SLC5A4: variants seen among roughly 807,000 people sequenced by gnomAD.
SLC5A4 encodes the protein solute carrier family 5 member 4.
Under a neutral mutation model 70.3 loss-of-function variants are expected in SLC5A4, and 55 were observed. That is an observed-to-expected ratio of 0.78 (90% confidence interval 0.63 to 0.98). The LOEUF (loss-of-function observed/expected upper bound fraction) is 0.98. SLC5A4 is among the 50% of genes least tolerant of loss of function. The probability of loss-of-function intolerance (pLI) is 0.00; values close to 1 mark genes in which losing one functional copy is unlikely to be tolerated. For synonymous variants in SLC5A4, 268 were observed against 305.7 expected (o/e 0.88, Z 1.29); for missense variants, 735 against 839.2 (o/e 0.88, Z 1.53).
chr22:32,336,183 G>A, the SLC5A4 span, among the ~76,000 whole-genome samples: 6 of 152,092 alleles, frequency 3.9e-5, no homozygotes, highest in Admixed American at 1.3e-4. Context: ...TACTGCCACC[G>A]GCCCAACCAC....
chr22:32,323,019 C>T, the SLC5A4 span, among the ~76,000 whole-genome samples: 2 of 152,182 alleles, frequency 1.3e-5, no homozygotes, highest in African/African-American at 2.4e-5. Context: ...ACATTTACCT[C>T]CTCTCCACCA....
At chr22:32,268,752 G>A in the SLC5A4 span, among the ~76,000 whole-genome samples, 2 of 152,322 alleles carry the variant, frequency 1.3e-5, no homozygotes, top group Non-Finnish European at 2.9e-5. Flanking sequence ...TGAAGGTAAT[G>A]TAATAGTTAG....
the SLC5A4 span, among the ~76,000 whole-genome samples, chr22:32,332,254 C>G: frequency 2.6e-5 from 4 of 152,248 alleles, no homozygotes; most frequent in African/African-American, 9.6e-5. Flanking sequence ...CACCATGGCC[C>G]TGCACAGTCA....
At chr22:32,336,891 C>A in the SLC5A4 span, among the ~76,000 whole-genome samples, 1 of 152,246 alleles carries the variant, frequency 6.6e-6, no homozygotes, top group South Asian at 2.1e-4. Context: ...CGCGGCATGG[C>A]CTACGGCCAG....
the SLC5A4 span, chr22:32,269,771 C>T: frequency 1.3e-5 from 9 of 680,432 alleles, no homozygotes; most frequent in African/African-American, 3.5e-5. The surrounding 1 kb of genome is among the most constrained non-coding windows in gnomAD (Gnocchi z 4.1). Flanking sequence ...TGTGAATCCC[C>T]CTGGACTGCG....
chr22:32,325,927 G>T, the SLC5A4 span, among the ~76,000 whole-genome samples: 1 of 152,102 alleles, frequency 6.6e-6, no homozygotes, highest in Non-Finnish European at 1.5e-5. Flanking sequence ...GGAGCAGCAG[G>T]CTGCCCTGCT....
At chr22:32,229,626 G>A (rs974316968) in intron 10 of SLC5A4, among the ~76,000 whole-genome samples, 5 of 152,174 alleles carry the variant, frequency 3.3e-5, no homozygotes, top group South Asian at 2.1e-4. Context: ...AGAGCAGAAG[G>A]ATGGTTACCA....
intron 4 of SLC5A4, 128 bp from the exon 5 acceptor site, chr22:32,247,643 T>C: frequency 1.5e-6 from 1 of 677,244 alleles, no homozygotes; most frequent in Non-Finnish European, 2.7e-6. Context: ...GATGGAACCA[T>C]GGCTTCTTAC....
the SLC5A4 span, among the ~76,000 whole-genome samples, chr22:32,313,771 C>G: frequency 2.0e-5 from 3 of 152,146 alleles, no homozygotes; most frequent in Admixed American, 2.0e-4. Flanking sequence ...ATGACCCAGT[C>G]TGGCCAATGT....
chr22:32,280,689 A>G, the SLC5A4 span, among the ~76,000 whole-genome samples: 1 of 152,228 alleles, frequency 6.6e-6, no homozygotes, highest in Non-Finnish European at 1.5e-5. Flanking sequence ...CATTACAGGA[A>G]TTCAAGAAAG....
At chr22:32,251,149 C>CAA (rs1169115054) in intron 3 of SLC5A4, among the ~76,000 whole-genome samples, 346 of 22,762 alleles carry the variant, frequency 0.015, 21 homozygotes, top group African/African-American at 0.033. Context: ...AACAAATAAG[C>CAA]AAAAAAAAAA....
chr22:32,344,186 T>C, the SLC5A4 span, among the ~76,000 whole-genome samples: 4 of 152,132 alleles, frequency 2.6e-5, no homozygotes, highest in African/African-American at 9.7e-5. Flanking sequence ...TGAGTCAGTG[T>C]GATATCCACA....
the SLC5A4 span, among the ~76,000 whole-genome samples, chr22:32,346,066 T>G: frequency 6.6e-6 from 1 of 152,158 alleles, no homozygotes; most frequent in East Asian, 1.9e-4. Context: ...GAGGTAGAAA[T>G]TTAAAGCAGG....
chr22:32,318,581 G>A, the SLC5A4 span, among the ~76,000 whole-genome samples: 1 of 152,020 alleles, frequency 6.6e-6, no homozygotes, highest in African/African-American at 2.4e-5. Context: ...CCTTCCTTTG[G>A]AATCTCAACA....
chr22:32,295,236 CCA>C, the SLC5A4 span, among the ~76,000 whole-genome samples: 1 of 105,382 alleles, frequency 9.5e-6, no homozygotes, highest in Non-Finnish European at 2.1e-5. Flanking sequence ...TGAGGAATCG[CCA>C]CACTGACTTC....
At chr22:32,227,941 T>C (rs1925500775) in intron 11 of SLC5A4, among the ~76,000 whole-genome samples, 1 of 152,018 alleles carries the variant, frequency 6.6e-6, no homozygotes, top group African/African-American at 2.4e-5. Context: ...CACTCCAGCC[T>C]GGGCGACAGC....
rs753941816 is a variant in SLC5A4, at chr22:32,224,331, A to G, written c.1601T>C (p.Phe534Ser). 1.4e-5 allele frequency: 22 copies of G among 1,614,052 alleles called. No homozygotes were observed. The highest frequency in any genetic ancestry group is 3.3e-5 in the Admixed American group (2 of 60,006). Residue 534 changes from phenylalanine (F) to serine (S), a missense_variant, in exon 13 of 15, where the codon TTT (phenylalanine) becomes TCT (serine). Coordinates refer to ENST00000266086, the MANE Select transcript of SLC5A4 (RefSeq NM_014227.3). ...CAGGGTGACCAGCATGGACCCAAAA[A>G]AGAGAACGATGGAAAAGTACAGATA... ...VHYLYFSIVL[F>S]FGSMLVTLGI...
chr22:32,322,638 G>A, the SLC5A4 span, among the ~76,000 whole-genome samples: 1 of 152,090 alleles, frequency 6.6e-6, no homozygotes, highest in Non-Finnish European at 1.5e-5. Flanking sequence ...AGGCCCAAGG[G>A]AGCTGGGAAA....
chr22:32,316,610 A>G, the SLC5A4 span, among the ~76,000 whole-genome samples: 9 of 151,884 alleles, frequency 5.9e-5, no homozygotes, highest in African/African-American at 2.2e-4. Context: ...GCTCACTATA[A>G]CCTCTGCCTC....
Sources: gnomAD v4.1 joint callset for allele counts (sites outside exome capture counted in the v4.1 genomes callset) on GRCh38, gnomAD v4.1.1 for gene constraint, Gnocchi (gnomAD v3.1) non-coding constraint, MANE v1.5 for transcripts, NCBI Gene and HGNC (gene_info 2026-07-23, HGNC 2026-07-21) for gene names.